Variants in LGSN observed in about 807,000 individuals in gnomAD.
The protein encoded by LGSN is lengsin, lens protein with glutamine synthetase domain, also known as lengsin.
Under a neutral mutation model 19.5 loss-of-function variants are expected in LGSN, and 21 were observed. The ratio of observed to expected loss-of-function variants is 1.07; its 90% CI spans 0.76 to 1.55. The LOEUF (loss-of-function observed/expected upper bound fraction) is 1.55, where lower values mean the gene tolerates loss of function less well. Among genes scored for constraint, LGSN ranks in the 40% most tolerant of loss-of-function variants. LGSN has a pLI of 0.00. For missense variants in LGSN, 673 were observed against 608.5 expected (o/e 1.11, Z -1.12); for synonymous variants, 257 against 215.6 (o/e 1.19, Z -1.68).
chr6:63,327,503 G>T, the LGSN span, among the ~76,000 whole-genome samples: 2 of 152,210 alleles, frequency 1.3e-5, no homozygotes, highest in African/African-American at 4.8e-5. Flanking sequence ...AAGGTGCAGA[G>T]TCCTCCTTTC....
At chr6:63,340,856 G>A in the LGSN span, among the ~76,000 whole-genome samples, 1 of 151,952 alleles carries the variant, frequency 6.6e-6, no homozygotes, top group Non-Finnish European at 1.5e-5. Flanking sequence ...GTGTGTGTGT[G>A]TGTGTGTGTG....
At chr6:63,530,664 CATAAAGATTTTTTCAA>C in the LGSN span, among the ~76,000 whole-genome samples, 44 of 152,068 alleles carry the variant, frequency 2.9e-4, no homozygotes, top group Non-Finnish European at 2.5e-4. Context: ...ATTAAACTAT[CATAAAGATTTTTTCAA>C]ATAAAACATA....
the LGSN span, among the ~76,000 whole-genome samples, chr6:63,535,015 G>A: frequency 3.2e-4 from 48 of 151,988 alleles, no homozygotes; most frequent in African/African-American, 9.7e-4. Flanking sequence ...AGCCAAGATC[G>A]CATCATTGCA....
chr6:63,423,652 T>C, the LGSN span, among the ~76,000 whole-genome samples: 2 of 151,672 alleles, frequency 1.3e-5, no homozygotes, highest in Non-Finnish European at 2.9e-5. Context: ...AAAAATAAAT[T>C]ATGTAATAAT....
the LGSN span, among the ~76,000 whole-genome samples, chr6:63,439,822 T>G: frequency 6.6e-6 from 1 of 152,336 alleles, no homozygotes; most frequent in East Asian, 1.9e-4. Flanking sequence ...TAAGGTCCAA[T>G]TCAGATATCG....
the LGSN span, among the ~76,000 whole-genome samples, chr6:63,505,625 G>GAAATAAAT: frequency 5.6e-3 from 503 of 90,150 alleles, 51 homozygotes; most frequent in African/African-American, 0.012. Flanking sequence ...AAGAAAGAAA[G>GAAATAAAT]AAAGAAAGAA....
the LGSN span, among the ~76,000 whole-genome samples, chr6:63,345,835 A>G: frequency 6.6e-6 from 1 of 152,200 alleles, no homozygotes; most frequent in African/African-American, 2.4e-5. Flanking sequence ...GGGCCAACCA[A>G]CACTCTTTGG....
chr6:63,449,359 A>C, the LGSN span, among the ~76,000 whole-genome samples: 1 of 152,064 alleles, frequency 6.6e-6, no homozygotes. Context: ...ATCAAGGCCA[A>C]CGTGGTAAAA....
the LGSN span, among the ~76,000 whole-genome samples, chr6:63,469,247 A>G: frequency 0.012 from 1,869 of 152,274 alleles, 34 homozygotes; most frequent in African/African-American, 0.042. Flanking sequence ...GTATGCTTCA[A>G]TCTACTATCT....
the LGSN span, among the ~76,000 whole-genome samples, chr6:63,513,213 T>C: frequency 6.6e-6 from 1 of 152,172 alleles, no homozygotes; most frequent in Non-Finnish European, 1.5e-5. Flanking sequence ...GAGAAAGAAA[T>C]GGTAAAGGAC....
chr6:63,366,102 G>A, the LGSN span, among the ~76,000 whole-genome samples: 1 of 152,142 alleles, frequency 6.6e-6, no homozygotes, highest in Non-Finnish European at 1.5e-5. Flanking sequence ...ACTCAGGCAG[G>A]AGAAAGAAAG....
At chr6:63,334,422 A>G in the LGSN span, among the ~76,000 whole-genome samples, 1 of 152,312 alleles carries the variant, frequency 6.6e-6, no homozygotes, top group South Asian at 2.1e-4. Context: ...GATATCTACA[A>G]GGAAAACTAC....
chr6:63,339,992 T>A, the LGSN span, among the ~76,000 whole-genome samples: 4 of 152,188 alleles, frequency 2.6e-5, no homozygotes, highest in Admixed American at 2.0e-4. Flanking sequence ...ATAAAGACTT[T>A]ACTTCTCCTC....
the LGSN span, among the ~76,000 whole-genome samples, chr6:63,520,813 T>C: frequency 1.3e-5 from 2 of 152,058 alleles, no homozygotes; most frequent in Non-Finnish European, 2.9e-5. Flanking sequence ...TGTAAACAGG[T>C]GGTAAAGAGA....
upstream of LGSN, among the ~76,000 whole-genome samples, chr6:63,324,903 C>G (rs1032173911): frequency 6.6e-6 from 1 of 151,394 alleles, no homozygotes; most frequent in Non-Finnish European, 1.5e-5. Flanking sequence ...TTCAGGAGAT[C>G]AAGACTATCC....
upstream of LGSN, among the ~76,000 whole-genome samples, chr6:63,322,626 A>C (rs1286965529): frequency 6.6e-6 from 1 of 152,164 alleles, no homozygotes; most frequent in Admixed American, 6.5e-5. Flanking sequence ...ATAAGGAGTA[A>C]TATTTGAGCT....
At chr6:63,358,870 T>A in the LGSN span, among the ~76,000 whole-genome samples, 1 of 152,230 alleles carries the variant, frequency 6.6e-6, no homozygotes, top group Admixed American at 6.5e-5. Context: ...CAACACTATG[T>A]TGAATAGGAG....
chr6:63,326,049 A>G, the LGSN span, among the ~76,000 whole-genome samples: 11 of 152,256 alleles, frequency 7.2e-5, no homozygotes, highest in African/African-American at 2.4e-4. Flanking sequence ...TGAGCTCGAC[A>G]CAAAGGTTCT....
chr6:63,530,534 G>A, the LGSN span, among the ~76,000 whole-genome samples: 2 of 152,046 alleles, frequency 1.3e-5, no homozygotes, highest in African/African-American at 4.8e-5. Flanking sequence ...TCCAGTGGAC[G>A]CCGTTCACAT....
Sources: gnomAD v4.1 joint callset for allele counts (sites outside exome capture counted in the v4.1 genomes callset) on GRCh38, gnomAD v4.1.1 for gene constraint, MANE v1.5 for transcripts, NCBI Gene and HGNC (gene_info 2026-07-23, HGNC 2026-07-21) for gene names.